BABAM1: variants seen among roughly 807,000 people sequenced by gnomAD.
BABAM1 encodes the protein BRISC and BRCA1 A complex member 1.
A neutral mutation model predicts 34.4 loss-of-function variants in BABAM1; 14 were observed. That is an observed-to-expected ratio of 0.41 (90% CI 0.27 to 0.64). The LOEUF is 0.64. BABAM1 is among the 30% of genes least tolerant of loss of function. The probability of loss-of-function intolerance (pLI) is 0.34; values close to 1 mark genes in which losing one functional copy is unlikely to be tolerated. For synonymous variants in BABAM1, 169 were observed against 165.8 expected (o/e 1.02, Z -0.15); for missense variants, 393 against 434.0 (o/e 0.91, Z 0.84).
In BABAM1 at chr19:17,271,771, C is replaced by CA. The variant is rs2073844088; in HGVS notation, c.344+117dup. The CA allele has an allele frequency of 1.3e-5, 16 of 1,210,338 alleles. No homozygotes were observed. In the South Asian group the frequency reaches 2.1e-4, roughly 16 times the overall value. 75.0% of individuals were successfully genotyped at this position (1,210,338 alleles called of 1,614,324 possible). On this transcript the variant is annotated intron_variant, in intron 3 of 8. Coordinates refer to ENST00000598188, the MANE Select transcript of BABAM1 (RefSeq NM_014173.4). ...CAGCTTGGTCTGGCTTCAGGCTTGG[C>CA]AGTATCAGAGATTAGCAAGAGCCAG...
chr19:17,272,978 A>G lies in BABAM1; in HGVS notation c.345-926A>G, dbSNP rs139648126. On this transcript the variant is annotated intron_variant, in intron 3 of 8. Transcript: ENST00000598188. ...GGTTGCGGTGAGCCAAGATCGCGCC[A>G]TTGCACTCCAGCCTGGGCAACAAGA... 6.8e-3 allele frequency among the ~76,000 whole-genome samples: 1,036 copies of G among 152,264 alleles called. 8 individuals carry two copies. Among genetic ancestry groups the G allele is most frequent in the African/African-American group, 0.024 (995 of 41,574 alleles).
intron 6 of BABAM1, among the ~76,000 whole-genome samples, chr19:17,276,175 C>T (rs868198776): frequency 2.0e-5 from 3 of 152,008 alleles, no homozygotes; most frequent in Non-Finnish European, 4.4e-5. Context: ...GGTGAAACCG[C>T]GTCTCTACTA....
At chr19:17,271,923 A>G (rs997812524) in intron 3 of BABAM1, among the ~76,000 whole-genome samples, 2 of 151,980 alleles carry the variant, frequency 1.3e-5, no homozygotes, top group Non-Finnish European at 1.5e-5. Flanking sequence ...AAATATATAT[A>G]TGTATGTGTA....
intron 7 of BABAM1, 40 bp downstream of exon 7, chr19:17,276,664 T>C (rs1246091157): frequency 3.2e-6 from 5 of 1,577,770 alleles, no homozygotes; most frequent in African/African-American, 2.7e-5. Flanking sequence ...CCTGCAGCCA[T>C]GAGGATGGTG....
Position 17,276,855 on chromosome 19 carries a change from C to A in BABAM1, c.732C>A (p.Asp244Glu). ...TCCAGTGCCCATATTTCTTCTTTGA[C>A]GTTGTTTACATCCACAATGGCACTG... ...KMFQCPYFFFDVVYIHNGTEE... is the reference protein window; with the variant it reads ...KMFQCPYFFFEVVYIHNGTEE... The change falls in exon 8 of 9, where the codon GAC (aspartate) becomes GAA (glutamate). Residue 244 changes from aspartate to glutamate, a missense_variant. Physicochemically the swap from Asp to Glu is conservative, Grantham distance 45 (BLOSUM62 2). Transcript: ENST00000598188. 1 of 1,605,312 alleles carries A rather than the reference C, an allele frequency of 6.2e-7. No individual in the cohort carries two copies. The highest frequency in any genetic ancestry group is 1.1e-5 in the South Asian group (1 of 89,148).
Position 17,268,788 on chromosome 19 carries a change from A to G in BABAM1, c.-13-6A>G, listed in dbSNP as rs577887053. On this transcript the variant is annotated splice_polypyrimidine_tract_variant and splice_region_variant and intron_variant, in intron 1 of 8. Coordinates refer to ENST00000598188, the MANE Select transcript of BABAM1 (RefSeq NM_014173.4). Reference sequence around the variant, plus strand: ...TTCTGGCTTCCCCTGTCCGTGTTCCATCTAGCCACACAGGAGCCATGGAAG... The same window carrying G: ...TTCTGGCTTCCCCTGTCCGTGTTCCGTCTAGCCACACAGGAGCCATGGAAG... 1.3e-6 allele frequency: 2 copies of G among 1,584,424 alleles called. No homozygotes were observed. The highest frequency in any genetic ancestry group is 1.1e-5 in the South Asian group (1 of 88,138).
chr19:17,276,431 AG>A, intron 6 of BABAM1, 63 bp from the exon 7 acceptor site: 1 of 1,553,692 alleles, frequency 6.4e-7, no homozygotes, highest in South Asian at 1.2e-5. Context: ...GGTCTCTCTC[AG>A]GGTGATAAGA....
intron 3 of BABAM1, among the ~76,000 whole-genome samples, chr19:17,272,499 G>A (rs1034155655): frequency 2.0e-5 from 3 of 150,574 alleles, no homozygotes; most frequent in Admixed American, 6.6e-5. Context: ...TCCGCCTCCC[G>A]GGTTCATGCC....
chr19:17,275,778 C>T (rs767091268), intron 5 of BABAM1, 23 bp from the exon 6 acceptor site: 40 of 1,613,598 alleles, frequency 2.5e-5, no homozygotes, highest in Non-Finnish European at 3.1e-5. Flanking sequence ...CTCTACTAGC[C>T]TTCTCCTTAG....
chr19:17,274,345 C>A (rs2073883078), intron 5 of BABAM1, 160 bp downstream of exon 5: 1 of 912,464 alleles, frequency 1.1e-6, no homozygotes, highest in Non-Finnish European at 1.7e-6. Context: ...GTTTCCCCAT[C>A]TGTACTGTGG....
rs1205076992 is a variant in BABAM1, at chr19:17,269,024, G to C, written c.218G>C (p.Trp73Ser). Residue 73 changes from tryptophan (W) to serine (S), a missense_variant, in exon 2 of 9, where the codon TGG (tryptophan) becomes TCG (serine). By Grantham distance (177) the Trp-to-Ser change is radical. Transcript: ENST00000598188. ...LNTSGAGPKS[W>S]QVPPPAPEVQ... ...ACTTCAGGAGCCGGCCCTAAGTCCT[G>C]GCAGGTGCCCCCGCCAGCCCCTGAG... The C allele has an allele frequency of 6.3e-7, 1 of 1,593,954 alleles. No individual in the cohort carries two copies. The highest frequency in any genetic ancestry group is 1.1e-5 in the South Asian group (1 of 87,968).
At chr19:17,273,462 G>A (rs1453019450) in intron 3 of BABAM1, among the ~76,000 whole-genome samples, 1 of 152,034 alleles carries the variant, frequency 6.6e-6, no homozygotes, top group Non-Finnish European at 1.5e-5. Context: ...GTTTGTGGCT[G>A]AGCTCCGCCA....
In BABAM1 at chr19:17,269,022, C is replaced by G. The variant is rs573619283; in HGVS notation, c.216C>G (p.Ser72=). 6.3e-7 allele frequency: 1 copy of G among 1,593,162 alleles called. No individual in the cohort carries two copies. The highest frequency in any genetic ancestry group is 8.5e-7 in the Non-Finnish European group (1 of 1,171,298). ...SLNTSGAGPK[S]WQVPPPAPEV... ...ACACTTCAGGAGCCGGCCCTAAGTC[C>G]TGGCAGGTGCCCCCGCCAGCCCCTG... The change falls in exon 2 of 9, where the codon TCC becomes TCG. Residue 72 remains serine, a synonymous_variant. Coordinates refer to ENST00000598188, the MANE Select transcript of BABAM1 (RefSeq NM_014173.4).
intron 8 of BABAM1, among the ~76,000 whole-genome samples, chr19:17,278,030 C>T (rs2073931181): frequency 6.6e-6 from 1 of 151,710 alleles, no homozygotes; most frequent in African/African-American, 2.4e-5. Flanking sequence ...CAAAATTAAC[C>T]AGGCGTGGTG....
rs1381415713 is a variant in BABAM1 at position 17,278,556 on chromosome 19, G to A, written c.787-289G>A. Among the ~76,000 whole-genome samples the A allele has an allele frequency of 2.6e-5, 4 of 152,170 alleles. No individual in the cohort carries two copies. The South Asian group carries it at 6.2e-4, about 24-fold the overall frequency. Reference sequence around the variant, plus strand: ...GATCTCCTGACCTTGTGATCTGCCCGCCTCAGCCTCCCAAAGTGCTGGGAT... The same window carrying A: ...GATCTCCTGACCTTGTGATCTGCCCACCTCAGCCTCCCAAAGTGCTGGGAT... On this transcript the variant is annotated intron_variant, in intron 8 of 8. Transcript: ENST00000598188.
At chr19:17,275,530 TCCA>T (rs1407210061) in intron 5 of BABAM1, among the ~76,000 whole-genome samples, 59 of 152,164 alleles carry the variant, frequency 3.9e-4, no homozygotes, top group African/African-American at 1.4e-3. Context: ...CCTCAGATGG[TCCA>T]CCCGCCTTGG....
intron 2 of BABAM1, 21 bp from the exon 3 acceptor site, chr19:17,271,576 C>T (rs1221328087): frequency 1.2e-6 from 2 of 1,612,930 alleles, no homozygotes; most frequent in Non-Finnish European, 1.7e-6. Flanking sequence ...GGACGCTCAC[C>T]ACCCTCCAAC....
At position 17,276,911 on chromosome 19, in the gene BABAM1, T is replaced by C; in HGVS notation, c.786+2T>C. 1 of 1,592,642 alleles carries C rather than the reference T, an allele frequency of 6.3e-7. No individual in the cohort carries two copies. Among genetic ancestry groups the C allele is most frequent in the Non-Finnish European group, 8.6e-7 (1 of 1,169,416 alleles). ...AAGGAGGAGGAGATGAGTTGGAAGG[T>C]GAGAGGCTGCAGCAGGTGTGAGTAG... On this transcript the variant is annotated splice_donor_variant, in intron 8 of 8. Coordinates refer to ENST00000598188, the MANE Select transcript of BABAM1 (RefSeq NM_014173.4). LOFTEE classifies it high-confidence loss of function.
intron 2 of BABAM1, 120 bp downstream of exon 2, chr19:17,269,211 G>A (rs879407863): frequency 2.8e-5 from 35 of 1,238,416 alleles, no homozygotes; most frequent in Non-Finnish European, 3.3e-5. Context: ...ACAAGTCACC[G>A]TGGACTTGGT....
Sources: allele counts gnomAD v4.1 joint callset (sites outside exome capture counted in the v4.1 genomes callset), GRCh38; gene constraint gnomAD v4.1.1; transcripts MANE v1.5; gene names NCBI Gene and HGNC (gene_info 2026-07-23, HGNC 2026-07-21).